Variants in AGMO observed in about 807,000 individuals in gnomAD.
AGMO encodes the protein glyceryl-ether monooxygenase.
A neutral mutation model predicts 60.2 loss-of-function variants in AGMO; 75 were observed. The observed-to-expected ratio is 1.25, with a 90% CI of 1.03 to 1.51. The LOEUF is 1.51. Ranked by LOEUF, AGMO falls within the 40% of genes most tolerant of loss-of-function variation. The pLI is 0.00. For missense variants in AGMO, 763 were observed against 525.5 expected (o/e 1.45, Z -4.42); for synonymous variants, 261 against 177.1 (o/e 1.47, Z -3.76).
intron 3 of AGMO, among the ~76,000 whole-genome samples, chr7:15,451,996 AC>A (rs138874712): frequency 6.6e-6 from 1 of 152,190 alleles, no homozygotes; most frequent in East Asian, 1.9e-4. Flanking sequence ...AGAGGTGCAT[AC>A]TCCTAAGTTA....
chr7:15,435,445 T>C (rs934226988), intron 3 of AGMO, among the ~76,000 whole-genome samples: 4 of 152,130 alleles, frequency 2.6e-5, no homozygotes, highest in Admixed American at 6.6e-5. Flanking sequence ...AGTGGTATCA[T>C]GTTGAAATTT....
intron 12 of AGMO, among the ~76,000 whole-genome samples, chr7:15,285,454 A>AT (rs1784075424): frequency 6.6e-6 from 1 of 152,094 alleles, no homozygotes; most frequent in Non-Finnish European, 1.5e-5. Context: ...AATCAAATCA[A>AT]GAACCCAATT....
chr7:15,315,211 G>C (rs1047832003), intron 12 of AGMO, among the ~76,000 whole-genome samples: 2 of 151,484 alleles, frequency 1.3e-5, no homozygotes, highest in Non-Finnish European at 2.9e-5. Context: ...TTATTGCAAG[G>C]TACTAAGTTT....
At chr7:15,232,408 T>C (rs1248081117) in intron 12 of AGMO, among the ~76,000 whole-genome samples, 3 of 152,218 alleles carry the variant, frequency 2.0e-5, no homozygotes, top group African/African-American at 7.2e-5. Context: ...CTCCCCACTG[T>C]TCTTGTGCCA....
intron 12 of AGMO, among the ~76,000 whole-genome samples, chr7:15,330,409 G>A (rs1563091121): frequency 6.6e-6 from 1 of 152,128 alleles, no homozygotes; most frequent in Non-Finnish European, 1.5e-5. Flanking sequence ...CTGAAGTCCT[G>A]CTTCTCTGCT....
intron 12 of AGMO, among the ~76,000 whole-genome samples, chr7:15,289,485 T>C (rs1784194164): frequency 6.6e-6 from 1 of 152,138 alleles, no homozygotes; most frequent in African/African-American, 2.4e-5. Flanking sequence ...GACTCTGGTT[T>C]AGCCATTTCT....
chr7:15,303,930 A>C (rs1466803826), intron 12 of AGMO, among the ~76,000 whole-genome samples: 1 of 152,144 alleles, frequency 6.6e-6, no homozygotes, highest in Non-Finnish European at 1.5e-5. Context: ...AAATCATGAT[A>C]TAGACCTGGA....
At chr7:15,521,938 T>C (rs953955314) in intron 3 of AGMO, among the ~76,000 whole-genome samples, 1 of 152,182 alleles carries the variant, frequency 6.6e-6, no homozygotes, top group African/African-American at 2.4e-5. Flanking sequence ...TGATTGTATA[T>C]TTAGAAAACC....
intron 5 of AGMO, among the ~76,000 whole-genome samples, chr7:15,397,610 T>C (rs1321412124): frequency 2.6e-5 from 4 of 152,198 alleles, no homozygotes; most frequent in Non-Finnish European, 4.4e-5. Context: ...CTTCTTCCTT[T>C]TCTCCCCACC....
At chr7:15,379,127 A>G (rs1361076974) in intron 10 of AGMO, among the ~76,000 whole-genome samples, 1 of 152,126 alleles carries the variant, frequency 6.6e-6, no homozygotes, top group African/African-American at 2.4e-5. Context: ...GGCAGTGTTA[A>G]GAGAGAAATT....
At chr7:15,342,796 A>AC (rs1488996122) in intron 12 of AGMO, among the ~76,000 whole-genome samples, 19 of 149,340 alleles carry the variant, frequency 1.3e-4, no homozygotes, top group African/African-American at 3.0e-4. Context: ...AAAAAAAAAA[A>AC]AAAAAAAAAT....
At chr7:15,342,927 C>A (rs1157987975) in intron 12 of AGMO, among the ~76,000 whole-genome samples, 2 of 152,008 alleles carry the variant, frequency 1.3e-5, no homozygotes, top group East Asian at 3.9e-4. Context: ...AAAGGCTTCT[C>A]TGTGAGGAGT....
chr7:15,286,885 A>T (rs1192747580), intron 12 of AGMO, among the ~76,000 whole-genome samples: 1 of 152,192 alleles, frequency 6.6e-6, no homozygotes, highest in Non-Finnish European at 1.5e-5. Flanking sequence ...ATGGAATATT[A>T]CTCAGCCATA....
intron 12 of AGMO, among the ~76,000 whole-genome samples, chr7:15,223,943 C>T (rs777689048): frequency 6.6e-6 from 1 of 151,958 alleles, no homozygotes; most frequent in African/African-American, 2.4e-5. Context: ...GTACTTGAAA[C>T]AAACTTGGCT....
At chr7:15,353,649 G>C (rs1264981611) in intron 12 of AGMO, among the ~76,000 whole-genome samples, 1 of 152,202 alleles carries the variant, frequency 6.6e-6, no homozygotes, top group South Asian at 2.1e-4. Context: ...GATGATTGCA[G>C]TATGTGTGAA....
intron 12 of AGMO, among the ~76,000 whole-genome samples, chr7:15,202,935 A>G (rs532819162): frequency 1.3e-5 from 2 of 152,290 alleles, no homozygotes; most frequent in African/African-American, 4.8e-5. Flanking sequence ...CTGAGAAGAT[A>G]GCTTTTCAAG....
At chr7:15,175,553 T>C in the AGMO span, among the ~76,000 whole-genome samples, 1 of 152,000 alleles carries the variant, frequency 6.6e-6, no homozygotes, top group Non-Finnish European at 1.5e-5. Flanking sequence ...ATTCTCTCTC[T>C]CCTATCTGTG....
At chr7:15,244,437 G>T (rs1181280746) in intron 12 of AGMO, among the ~76,000 whole-genome samples, 2 of 151,990 alleles carry the variant, frequency 1.3e-5, no homozygotes, top group African/African-American at 4.8e-5. Context: ...TGCATTAAAA[G>T]CACTGCAAAA....
chr7:15,552,068 G>A (rs1488854557), intron 2 of AGMO, among the ~76,000 whole-genome samples: 2 of 152,072 alleles, frequency 1.3e-5, no homozygotes, highest in Non-Finnish European at 1.5e-5. Context: ...AAGCAATGGG[G>A]AAAGGATTCC....
Sources: gnomAD v4.1 joint callset for allele counts (sites outside exome capture counted in the v4.1 genomes callset) on GRCh38, gnomAD v4.1.1 for gene constraint, MANE v1.5 for transcripts, NCBI Gene and HGNC (gene_info 2026-07-23, HGNC 2026-07-21) for gene names.